ZNF398: variants seen among roughly 807,000 people sequenced by gnomAD.
ZNF398 encodes zinc finger DNA binding protein ZER6.
In ZNF398, 18 loss-of-function variants were observed where a neutral mutation model predicts 41.9. The observed-to-expected ratio is 0.43, with a 90% CI of 0.30 to 0.64. The LOEUF (loss-of-function observed/expected upper bound fraction) is 0.64, where lower values mean the gene tolerates loss of function less well. Ranked by LOEUF, ZNF398 falls within the 30% of genes least tolerant of loss-of-function variation. ZNF398 has a pLI of 0.14. For synonymous variants in ZNF398, 260 were observed against 308.8 expected (o/e 0.84, Z 1.66); for missense variants, 669 against 822.8 (o/e 0.81, Z 2.29).
intron 2 of ZNF398, among the ~76,000 whole-genome samples, chr7:149,136,277 G>C (rs114306111): frequency 2.0e-5 from 3 of 152,016 alleles, no homozygotes; most frequent in Non-Finnish European, 4.4e-5. Flanking sequence ...GTTGCAGAGC[G>C]GCCAGGCAGA....
intron 2 of ZNF398, among the ~76,000 whole-genome samples, chr7:149,155,696 TATATATA>T (rs1794951838): frequency 3.4e-5 from 1 of 29,696 alleles, no homozygotes; most frequent in Non-Finnish European, 7.6e-5. Context: ...TATATATATA[TATATATA>T]TATATTTTTT....
At chr7:149,153,412 A>G (rs1212557218) in intron 1 of ZNF398, among the ~76,000 whole-genome samples, 1 of 152,196 alleles carries the variant, frequency 6.6e-6, no homozygotes, top group Non-Finnish European at 1.5e-5. Flanking sequence ...GTGTAAGATG[A>G]AACAAGGCTG....
intron 2 of ZNF398, among the ~76,000 whole-genome samples, chr7:149,129,885 C>T (rs1826563234): frequency 6.6e-6 from 1 of 152,128 alleles, no homozygotes; most frequent in Non-Finnish European, 1.5e-5. Flanking sequence ...ACCGCAACCT[C>T]CGCCTCCCAG....
chr7:149,152,931 C>T (rs1794884007), intron 1 of ZNF398, among the ~76,000 whole-genome samples: 1 of 150,348 alleles, frequency 6.7e-6, no homozygotes, highest in South Asian at 2.1e-4. Flanking sequence ...ATAATCTTGG[C>T]TCACTGTAAC....
chr7:149,134,019 G>C (rs1826661203), intron 2 of ZNF398, among the ~76,000 whole-genome samples: 1 of 150,404 alleles, frequency 6.6e-6, no homozygotes, highest in Admixed American at 6.6e-5. Context: ...CCAAAGTGCT[G>C]GGATTACAGG....
intron 2 of ZNF398, among the ~76,000 whole-genome samples, chr7:149,136,089 G>T (rs140484925): frequency 7.5e-4 from 114 of 151,776 alleles, no homozygotes; most frequent in African/African-American, 2.4e-3. Flanking sequence ...TAAATATTTG[G>T]TTTTGTTCTA....
At chr7:149,149,696 A>G (rs980411297) in intron 1 of ZNF398, among the ~76,000 whole-genome samples, 1 of 151,952 alleles carries the variant, frequency 6.6e-6, no homozygotes, top group Non-Finnish European at 1.5e-5. Flanking sequence ...TTTTTTTTAA[A>G]TTAGCCAGGC....
rs368726259 is a variant in ZNF398, at chr7:149,166,859, C to T, written c.590C>T (p.Pro197Leu). The T allele has an allele frequency of 1.2e-6, 2 of 1,613,202 alleles. No individual in the cohort carries two copies. The highest frequency in any genetic ancestry group is 1.1e-5 in the South Asian group (1 of 91,038). The stretch of plus-strand genomic sequence containing the variant: ...CCTGATGTCTTATCTCAGATTCAAC[C>T]AGAAGGGGAACATAATACAGAGGAC... ...NQPDVLSQIQ[P>L]EGEHNTEDQA... is the part of the protein sequence containing the mutation. The change falls in exon 4 of 6, where the codon CCA becomes CTA. Residue 197 changes from proline (P) to leucine (L), a missense_variant. Transcript: ENST00000475153.
intron 2 of ZNF398, among the ~76,000 whole-genome samples, chr7:149,160,234 C>T (rs967154707): frequency 7.9e-5 from 12 of 152,010 alleles, no homozygotes; most frequent in Admixed American, 2.0e-4. Context: ...GTCAGGAGAT[C>T]GAGACCATCC....
At chr7:149,164,969 C>T (rs113307180) in intron 2 of ZNF398, among the ~76,000 whole-genome samples, 1 of 151,720 alleles carries the variant, frequency 6.6e-6, no homozygotes, top group South Asian at 2.1e-4. Flanking sequence ...TGGCGGGTGC[C>T]CGTAATCCTG....
chr7:149,136,920 G>GC (rs1826726389), intron 2 of ZNF398, among the ~76,000 whole-genome samples: 1 of 149,902 alleles, frequency 6.7e-6, no homozygotes, highest in African/African-American at 2.5e-5. Context: ...AGGATGGAGT[G>GC]CAATGGCATG....
intron 4 of ZNF398, among the ~76,000 whole-genome samples, chr7:149,167,664 T>G (rs1323754612): frequency 6.8e-6 from 1 of 147,218 alleles, no homozygotes; most frequent in Admixed American, 6.9e-5. Flanking sequence ...AGACGGAGTC[T>G]TGCTCATGCG....
chr7:149,142,461 A>C (rs1826845852), upstream of ZNF398, among the ~76,000 whole-genome samples: 2 of 152,100 alleles, frequency 1.3e-5, no homozygotes, highest in Non-Finnish European at 2.9e-5. Context: ...AGGTCAGGAG[A>C]TCGAGACCAT....
chr7:149,134,757 G>A (rs1468715120), intron 2 of ZNF398, among the ~76,000 whole-genome samples: 1 of 152,074 alleles, frequency 6.6e-6, no homozygotes, highest in Non-Finnish European at 1.5e-5. Flanking sequence ...TTTGGACAGA[G>A]TCTGGCTCTG....
rs546325784 is a variant in ZNF398, at chr7:149,178,837, G to C, written c.965G>C (p.Gly322Ala). Residue 322 changes from glycine (G) to alanine (A), a missense_variant, in exon 6 of 6, where the codon GGA becomes GCA. This residue lies in a region of ZNF398 where 290 missense variants were observed against 292.9 expected (regional missense o/e 0.99). Transcript: ENST00000475153. ...ACTGACCTGCCTGAAGCCTCTGAGG[G>C]ACAAGTGACTTTTACTCAGTTGGGT... Reference protein sequence around the residue: ...PATDLPEASEGQVTFTQLGSY... With the variant: ...PATDLPEASEAQVTFTQLGSY... 6.2e-7 allele frequency: 1 copy of C among 1,614,114 alleles called. No homozygotes were observed. The highest frequency in any genetic ancestry group is 2.2e-5 in the East Asian group (1 of 44,874).
intron 1 of ZNF398, chr7:149,148,538 T>C: frequency 1.1e-6 from 1 of 951,924 alleles, no homozygotes; most frequent in Non-Finnish European, 1.3e-6. Context: ...CCCTGGCACA[T>C]GAGGGGTGAC....
intron 1 of ZNF398, among the ~76,000 whole-genome samples, chr7:149,127,970 G>T (rs905282079): frequency 6.6e-6 from 1 of 152,082 alleles, no homozygotes; most frequent in African/African-American, 2.4e-5. Context: ...TTTTAGAAAT[G>T]GTATATAAAT....
chr7:149,138,023 A>G (rs1264045177), intron 2 of ZNF398, among the ~76,000 whole-genome samples: 5 of 151,466 alleles, frequency 3.3e-5, no homozygotes, highest in African/African-American at 1.2e-4. Flanking sequence ...AATATAGAGA[A>G]ACCCCATCTC....
chr7:149,170,218 A>C (rs1464628082), intron 4 of ZNF398, among the ~76,000 whole-genome samples: 1 of 152,210 alleles, frequency 6.6e-6, no homozygotes, highest in Non-Finnish European at 1.5e-5. Flanking sequence ...GAAATGCATC[A>C]TTAGTTGATT....
Sources: allele counts gnomAD v4.1 joint callset (sites outside exome capture counted in the v4.1 genomes callset), GRCh38; gene constraint gnomAD v4.1.1; regional missense constraint gnomAD v4.1.1; transcripts MANE v1.5; gene names NCBI Gene and HGNC (gene_info 2026-07-23, HGNC 2026-07-21).